ACVR1C: variants seen among roughly 807,000 people sequenced by gnomAD.
ACVR1C encodes the protein activin receptor type-1C.
ACVR1C carries 23 observed loss-of-function variants against 57.9 expected under a neutral mutation model. The observed-to-expected ratio is 0.40, with a 90% CI of 0.29 to 0.56. The LOEUF (loss-of-function observed/expected upper bound fraction) is 0.56, where lower values mean the gene tolerates loss of function less well. Among genes scored for constraint, ACVR1C ranks in the 20% least tolerant of loss-of-function variants. The pLI, the probability that ACVR1C is intolerant of heterozygous loss-of-function variation, is 0.50. For missense variants in ACVR1C, 480 were observed against 607.9 expected (o/e 0.79, Z 2.21); for synonymous variants, 214 against 215.3 (o/e 0.99, Z 0.05).
intron 1 of ACVR1C, among the ~76,000 whole-genome samples, chr2:157,601,752 T>C (rs1682287949): frequency 6.6e-6 from 1 of 152,204 alleles, no homozygotes; most frequent in Non-Finnish European, 1.5e-5. Context: ...GAGCCACCTC[T>C]AACCCTGCTG....
intron 1 of ACVR1C, among the ~76,000 whole-genome samples, chr2:157,624,614 AC>A (rs1682859315): frequency 6.6e-6 from 1 of 152,302 alleles, no homozygotes; most frequent in South Asian, 2.1e-4. Flanking sequence ...ATTGGAGAAA[AC>A]TAGGTATCCT....
intron 1 of ACVR1C, among the ~76,000 whole-genome samples, chr2:157,594,563 T>C (rs1357986514): frequency 6.6e-6 from 1 of 152,176 alleles, no homozygotes; most frequent in Non-Finnish European, 1.5e-5. Context: ...CTGTACTATA[T>C]GTATTACATG....
intron 1 of ACVR1C, among the ~76,000 whole-genome samples, chr2:157,591,104 T>C (rs973986878): frequency 3.9e-5 from 6 of 151,988 alleles, no homozygotes; most frequent in Admixed American, 6.6e-5. Flanking sequence ...ACAATCAAAA[T>C]ATATTTGTAA....
intron 1 of ACVR1C, chr2:157,597,566 G>A (rs1050027152): frequency 2.0e-6 from 2 of 985,318 alleles, no homozygotes; most frequent in African/African-American, 3.5e-5. Flanking sequence ...GCAACCCCCA[G>A]GAGACGTTCT....
chr2:157,574,534 T>C (rs548986641), intron 2 of ACVR1C, among the ~76,000 whole-genome samples: 2 of 152,322 alleles, frequency 1.3e-5, no homozygotes, highest in African/African-American at 4.8e-5. Context: ...AATTCATTTT[T>C]CTTTCCCAGA....
intron 1 of ACVR1C, among the ~76,000 whole-genome samples, chr2:157,609,561 G>C (rs1367198621): frequency 2.0e-5 from 3 of 151,924 alleles, no homozygotes; most frequent in Non-Finnish European, 2.9e-5. Flanking sequence ...ATGCTGAAAG[G>C]GGGATGTTGA....
At chr2:157,562,308 AT>A (rs1402247960) in intron 2 of ACVR1C, among the ~76,000 whole-genome samples, 1 of 141,494 alleles carries the variant, frequency 7.1e-6, no homozygotes, top group East Asian at 2.0e-4. Flanking sequence ...AAAAAAAAAT[AT>A]ATATATATAT....
intron 2 of ACVR1C, among the ~76,000 whole-genome samples, chr2:157,568,153 G>A (rs1688443939): frequency 2.1e-5 from 2 of 94,200 alleles, no homozygotes; most frequent in Admixed American, 1.3e-4. Flanking sequence ...TTATAGACAA[G>A]CAAATGCTGA....
At chr2:157,585,282 G>C (rs745516916) in intron 2 of ACVR1C, among the ~76,000 whole-genome samples, 2 of 151,922 alleles carry the variant, frequency 1.3e-5, no homozygotes, top group Non-Finnish European at 2.9e-5. Flanking sequence ...ACATATTCTC[G>C]ATAAAGAAAC....
At chr2:157,551,483 T>C (rs1438252225) in intron 3 of ACVR1C, among the ~76,000 whole-genome samples, 2 of 152,234 alleles carry the variant, frequency 1.3e-5, no homozygotes, top group African/African-American at 2.4e-5. Context: ...AACAGCATAG[T>C]ACATTTTATT....
chr2:157,608,468 T>C (rs1682457686), intron 1 of ACVR1C, among the ~76,000 whole-genome samples: 1 of 151,740 alleles, frequency 6.6e-6, no homozygotes, highest in African/African-American at 2.4e-5. Context: ...TGTCGTTGTC[T>C]AGGGCTATCA....
At chr2:157,585,813 G>A (rs1688908635) in intron 2 of ACVR1C, among the ~76,000 whole-genome samples, 1 of 152,158 alleles carries the variant, frequency 6.6e-6, no homozygotes, top group East Asian at 1.9e-4. Context: ...GAGATAGAGA[G>A]AATAAGTGTG....
intron 1 of ACVR1C, chr2:157,597,696 T>C (rs933870840): frequency 5.2e-6 from 2 of 386,436 alleles, no homozygotes; most frequent in Non-Finnish European, 7.1e-6. Flanking sequence ...TTAAAACCTG[T>C]GTGTCTTTAA....
chr2:157,534,030 A>G lies in ACVR1C; in HGVS notation c.1370T>C (p.Met457Thr), dbSNP rs1470044668. The change falls in exon 9 of 9, where the codon ATG becomes ACG. Residue 457 changes from methionine to threonine, a missense_variant. Physicochemically the swap from Met to Thr is moderately conservative, Grantham distance 81. Coordinates refer to ENST00000243349, the MANE Select transcript of ACVR1C (RefSeq NM_145259.3). ...QWQSCEALRV[M>T]GRIMRECWYA... The stretch of plus-strand genomic sequence containing the variant: ...CCAACACTCACGCATTATTCTCCCC[A>G]TGACTCGGAGTGCCTTTAAGAGAGA... 6.4e-7 allele frequency: 1 copy of G among 1,572,900 alleles called. No individual in the cohort carries two copies. Among genetic ancestry groups the G allele is most frequent in the Non-Finnish European group, 8.6e-7 (1 of 1,163,912 alleles).
chr2:157,597,650 T>C lies in ACVR1C; in HGVS notation c.74-10233A>G, dbSNP rs966726077. On this transcript the variant is annotated intron_variant, in intron 1 of 8. Transcript: ENST00000243349. ...AGGAGGCAGGCTATTTTTTACAGAA[T>C]GACCTCCACTCCGGATTAGCATTTC... is the stretch of plus-strand genomic sequence containing the variant. 21 of 735,608 alleles carry C rather than the reference T, an allele frequency of 2.9e-5. No individual in the cohort carries two copies. The African/African-American group carries it at 3.8e-4, about 13-fold the overall frequency. The allele number at this position is 735,608 out of a possible 1,614,324, so 45.6% of individuals were successfully genotyped here.
intron 2 of ACVR1C, among the ~76,000 whole-genome samples, chr2:157,559,487 T>C (rs1168638691): frequency 6.6e-6 from 1 of 152,222 alleles, no homozygotes; most frequent in Non-Finnish European, 1.5e-5. Context: ...AAGAATACGT[T>C]TCAATAATCA....
intron 1 of ACVR1C, among the ~76,000 whole-genome samples, chr2:157,607,619 G>A (rs537549084): frequency 1.3e-5 from 2 of 151,496 alleles, no homozygotes; most frequent in Non-Finnish European, 3.0e-5. Context: ...CTTTTCATTT[G>A]TTCATGTCCT....
intron 2 of ACVR1C, among the ~76,000 whole-genome samples, chr2:157,586,822 G>C (rs2105256048): frequency 6.6e-6 from 1 of 152,208 alleles, no homozygotes; most frequent in South Asian, 2.1e-4. Context: ...TTCTCAGTAT[G>C]TATTTCAATG....
In ACVR1C at chr2:157,533,869, A is replaced by G; in HGVS notation, c.*49T>C. The G allele has an allele frequency of 6.7e-7, 1 of 1,482,938 alleles. No homozygotes were observed. Among genetic ancestry groups the G allele is most frequent in the Non-Finnish European group, 8.9e-7 (1 of 1,119,150 alleles). The allele number at this position is 1,482,938 out of a possible 1,614,324, so 91.9% of individuals were successfully genotyped here. A position where few individuals can be genotyped will look rare whatever the true frequency, so the allele number is the denominator to read the frequency against. On this transcript the variant is annotated 3_prime_UTR_variant, in exon 9 of 9. Coordinates refer to ENST00000243349, the MANE Select transcript of ACVR1C (RefSeq NM_145259.3). ...GCAAAAACATTCACATAAAGGGGAA[A>G]ATGGAAAAGAAAGCTATGAGAGATT...
Sources: gnomAD v4.1 joint callset for allele counts (sites outside exome capture counted in the v4.1 genomes callset) on GRCh38, gnomAD v4.1.1 for gene constraint, MANE v1.5 for transcripts, NCBI Gene and HGNC (gene_info 2026-07-23, HGNC 2026-07-21) for gene names.